SLAIN1: variants seen among roughly 807,000 people sequenced by gnomAD.
SLAIN1 encodes SLAIN family member 1.
In SLAIN1, 17 loss-of-function variants were observed where a neutral mutation model predicts 55.4. The ratio of observed to expected loss-of-function variants is 0.31; its 90% CI spans 0.21 to 0.46. The LOEUF is 0.46. Ranked by LOEUF, SLAIN1 falls within the 20% of genes least tolerant of loss-of-function variation. The probability of loss-of-function intolerance (pLI) is 1.00; values close to 1 mark genes in which losing one functional copy is unlikely to be tolerated. For synonymous variants in SLAIN1, 348 were observed against 337.4 expected (o/e 1.03, Z -0.35); for missense variants, 682 against 785.1 (o/e 0.87, Z 1.57).
In SLAIN1 at chr13:77,739,750, T is replaced by C. The variant is rs369376621; in HGVS notation, c.767-4533T>C. ...AATTAAAGAAACTTAGGTTGTTCCTTAAACCCATTCTGTCGTCTGCCTTTT... is the reference window on the plus strand; with the variant it reads ...AATTAAAGAAACTTAGGTTGTTCCTCAAACCCATTCTGTCGTCTGCCTTTT... On this transcript the variant is annotated intron_variant, in intron 2 of 6. Transcript: ENST00000418532. Among the ~76,000 whole-genome samples, 14 of 152,226 alleles carry C rather than the reference T, an allele frequency of 9.2e-5. 1 individual carries two copies. Among genetic ancestry groups the C allele is most frequent in the Admixed American group, 8.5e-4 (13 of 15,262 alleles).
chr13:77,711,943 C>A (rs1417224099), intron 1 of SLAIN1, among the ~76,000 whole-genome samples: 1 of 152,114 alleles, frequency 6.6e-6, no homozygotes, highest in African/African-American at 2.4e-5. Context: ...TAAACATAAT[C>A]ATCACATAAA....
intron 1 of SLAIN1, among the ~76,000 whole-genome samples, chr13:77,705,990 G>T (rs1217181741): frequency 6.6e-6 from 1 of 151,956 alleles, no homozygotes; most frequent in Non-Finnish European, 1.5e-5. Context: ...CACCTCAACA[G>T]TTTTATCAAA....
intron 1 of SLAIN1, among the ~76,000 whole-genome samples, chr13:77,711,196 C>A (rs749363332): frequency 1.3e-5 from 2 of 151,930 alleles, no homozygotes; most frequent in Non-Finnish European, 2.9e-5. Flanking sequence ...CAAACAAATT[C>A]AAAAGCTAGC....
rs753119422 is a variant in SLAIN1, at chr13:77,760,952, T to C, written c.1539T>C (p.Pro513=). The change falls in exon 6 of 7, where the codon CCT becomes CCC. Residue 513 remains proline (P), a synonymous_variant. Transcript: ENST00000418532. ...CCGTTCAAGGCAGCAGTAACATGCC[T>C]TTATCAAACGGCTTACAGCTGTATT... The part of the protein sequence containing the change: ...SPTVQGSSNM[P]LSNGLQLYSN... 26 of 1,614,114 alleles carry C rather than the reference T, an allele frequency of 1.6e-5. No individual in the cohort carries two copies. Among genetic ancestry groups the C allele is most frequent in the Non-Finnish European group, 2.1e-5 (25 of 1,180,024 alleles).
Position 77,746,735 on chromosome 13 carries a change from A to C in SLAIN1, c.1138A>C (p.Ile380Leu). The C allele has an allele frequency of 6.2e-7, 1 of 1,613,898 alleles. No individual in the cohort carries two copies. Among genetic ancestry groups the C allele is most frequent in the Admixed American group, 1.7e-5 (1 of 59,952 alleles). Reference sequence around the variant, plus strand: ...TCCCCATTCACAGACTTTCTCCAGCATTCGGGAGTGTAGGAGGAGCCCCAG... The same window carrying C: ...TCCCCATTCACAGACTTTCTCCAGCCTTCGGGAGTGTAGGAGGAGCCCCAG... ...GIPHSQTFSS[I>L]RECRRSPSSQ... Residue 380 changes from isoleucine (I) to leucine (L), a missense_variant, in exon 4 of 7, where the codon ATT (isoleucine) becomes CTT (leucine). Transcript: ENST00000418532.
chr13:77,748,515 C>T (rs1873996870), intron 4 of SLAIN1, among the ~76,000 whole-genome samples: 1 of 148,912 alleles, frequency 6.7e-6, no homozygotes, highest in South Asian at 2.1e-4. Context: ...TCATTTTTCT[C>T]CGCTTAGCTG....
intron 2 of SLAIN1, among the ~76,000 whole-genome samples, chr13:77,735,742 C>G (rs1873085900): frequency 6.6e-6 from 1 of 152,076 alleles, no homozygotes; most frequent in Non-Finnish European, 1.5e-5. Flanking sequence ...AACCCTATGG[C>G]CAGCAAAATA....
At chr13:77,710,405 CAAAAAA>C (rs972475058) in intron 1 of SLAIN1, among the ~76,000 whole-genome samples, 4 of 147,744 alleles carry the variant, frequency 2.7e-5, no homozygotes, top group African/African-American at 1.0e-4. Flanking sequence ...AAATGGAAAA[CAAAAAA>C]AAACAAAACA....
intron 1 of SLAIN1, among the ~76,000 whole-genome samples, chr13:77,703,085 A>T (rs2091047224): frequency 6.6e-6 from 1 of 151,544 alleles, no homozygotes. Context: ...GTCAGCCAAT[A>T]TAAAATGCAG....
chr13:77,761,261 G>A, intron 6 of SLAIN1, 151 bp downstream of exon 6: 3 of 747,086 alleles, frequency 4.0e-6, no homozygotes, highest in Non-Finnish European at 6.5e-6. Flanking sequence ...GAAAAGTGAT[G>A]GATATCCCTG....
Position 77,744,299 on chromosome 13 carries a change from C to T in SLAIN1, c.783C>T (p.Gly261=). 6.2e-7 allele frequency: 1 copy of T among 1,612,614 alleles called. No individual in the cohort carries two copies. The highest frequency in any genetic ancestry group is 1.3e-5 in the African/African-American group (1 of 74,922). Residue 261 remains glycine, a synonymous_variant, in exon 3 of 7, where the codon GGC becomes GGT. Coordinates refer to ENST00000418532, the MANE Select transcript of SLAIN1 (RefSeq NM_001242868.2). ...GTGTTTCAGGTTACACTTCCAGGGG[C>T]TCCCCACTCAGTCCCCAGTCATCTA... is the stretch of plus-strand genomic sequence containing the variant. ...FRLEQGYTSR[G]SPLSPQSSID...
In SLAIN1 at chr13:77,732,601, G is replaced by A. The variant is rs146626851; in HGVS notation, c.767-11682G>A. On this transcript the variant is annotated intron_variant, in intron 2 of 6. Transcript: ENST00000418532. The stretch of plus-strand genomic sequence containing the variant: ...TGATTTAAACTATAGCAGACACACA[G>A]ACCTAAAGGGAAAATGGCTTCTATA... Among the ~76,000 whole-genome samples, 305 of 152,068 alleles carry A rather than the reference G, an allele frequency of 2.0e-3. 1 individual carries two copies. The highest frequency in any genetic ancestry group is 7.1e-3 in the African/African-American group (296 of 41,492).
chr13:77,699,135 C>T (rs1432965963), intron 1 of SLAIN1: 3 of 1,385,076 alleles, frequency 2.2e-6, no homozygotes, highest in Non-Finnish European at 2.9e-6. Flanking sequence ...TTTTCAGAGA[C>T]TGACTTGCTT....
intron 5 of SLAIN1, among the ~76,000 whole-genome samples, chr13:77,757,907 T>A (rs9600926): frequency 0.029 from 4,447 of 152,252 alleles, 231 homozygotes; most frequent in African/African-American, 0.1. Flanking sequence ...TGAATGTGTC[T>A]TTTTTTCAAA....
chr13:77,712,519 G>A (rs189279479), intron 1 of SLAIN1, among the ~76,000 whole-genome samples: 10 of 152,164 alleles, frequency 6.6e-5, no homozygotes, highest in Admixed American at 6.5e-4. Flanking sequence ...TGTGAAGGAC[G>A]TTTTCAAGTA....
At chr13:77,726,320 G>C (rs892829420) in intron 2 of SLAIN1, among the ~76,000 whole-genome samples, 2 of 152,114 alleles carry the variant, frequency 1.3e-5, no homozygotes, top group Non-Finnish European at 2.9e-5. Flanking sequence ...TTTTTTAAAA[G>C]ATATAATAAG....
intron 1 of SLAIN1, among the ~76,000 whole-genome samples, chr13:77,716,366 G>C (rs1207749864): frequency 6.7e-6 from 1 of 149,540 alleles, no homozygotes. Context: ...GCTATTCTAA[G>C]ATCTTTGCAT....
chr13:77,719,821 C>A, intron 2 of SLAIN1, 150 bp downstream of exon 2: 1 of 758,924 alleles, frequency 1.3e-6, no homozygotes, highest in Non-Finnish European at 2.1e-6. Flanking sequence ...TATTACACAT[C>A]AAGCTTTCTC....
intron 5 of SLAIN1, among the ~76,000 whole-genome samples, chr13:77,756,764 G>A (rs1175069040): frequency 1.3e-5 from 2 of 152,056 alleles, no homozygotes; most frequent in Non-Finnish European, 2.9e-5. Flanking sequence ...ACAAAGTGTC[G>A]AGTGAAAGAA....
Sources: allele counts gnomAD v4.1 joint callset (sites outside exome capture counted in the v4.1 genomes callset), GRCh38; gene constraint gnomAD v4.1.1; transcripts MANE v1.5; gene names NCBI Gene and HGNC (gene_info 2026-07-23, HGNC 2026-07-21).